NRG3: variants seen among roughly 807,000 people sequenced by gnomAD.
The protein encoded by NRG3 is neuregulin 3.
In NRG3, 31 loss-of-function variants were observed where a neutral mutation model predicts 66.9. The ratio of observed to expected loss-of-function variants is 0.46; its 90% CI spans 0.35 to 0.63. The LOEUF is 0.63. NRG3 is among the 20% of genes least tolerant of loss of function. The pLI is 0.00. For missense variants in NRG3, 910 were observed against 878.9 expected (o/e 1.04, Z -0.45); for synonymous variants, 393 against 359.4 (o/e 1.09, Z -1.06).
At chr10:82,197,842 T>C (rs1358927853) in intron 1 of NRG3, among the ~76,000 whole-genome samples, 2 of 152,208 alleles carry the variant, frequency 1.3e-5, no homozygotes, top group African/African-American at 2.4e-5. Flanking sequence ...GTCTCTATTT[T>C]CTTATTTCCC....
intron 3 of NRG3, among the ~76,000 whole-genome samples, chr10:82,745,635 G>T (rs979006443): frequency 6.6e-6 from 1 of 152,084 alleles, no homozygotes; most frequent in African/African-American, 2.4e-5. Context: ...CATTAATTCT[G>T]TCAGGTTGTA....
chr10:82,944,135 C>G (rs1848801804), intron 4 of NRG3, among the ~76,000 whole-genome samples: 1 of 152,146 alleles, frequency 6.6e-6, no homozygotes, highest in Admixed American at 6.6e-5. Context: ...TCTATAAATT[C>G]ACTTGTAGTC....
intron 1 of NRG3, among the ~76,000 whole-genome samples, chr10:82,245,196 T>A (rs2077181381): frequency 6.6e-6 from 1 of 152,194 alleles, no homozygotes; most frequent in Non-Finnish European, 1.5e-5. Context: ...TGACAGATTA[T>A]GAGGCATTAG....
intron 1 of NRG3, among the ~76,000 whole-genome samples, chr10:82,058,037 G>A (rs541298620): frequency 5.5e-4 from 82 of 149,226 alleles, no homozygotes; most frequent in Middle Eastern, 3.5e-3. Context: ...GACTACAGTC[G>A]TGCATTAAAA....
At chr10:82,214,644 T>A (rs2075573060) in intron 1 of NRG3, among the ~76,000 whole-genome samples, 1 of 151,932 alleles carries the variant, frequency 6.6e-6, no homozygotes, top group African/African-American at 2.4e-5. Flanking sequence ...AAAAAATTTT[T>A]TTTGCACAGA....
intron 1 of NRG3, among the ~76,000 whole-genome samples, chr10:82,011,461 C>T (rs772035544): frequency 1.3e-5 from 2 of 152,126 alleles, no homozygotes; most frequent in African/African-American, 4.8e-5. Flanking sequence ...ATCTCATGTC[C>T]TCACATTTGA....
intron 2 of NRG3, among the ~76,000 whole-genome samples, chr10:82,547,635 G>C (rs953920070): frequency 6.7e-6 from 1 of 148,794 alleles, no homozygotes; most frequent in African/African-American, 2.5e-5. Flanking sequence ...GTGTGTGTGT[G>C]TATATATATA....
intron 2 of NRG3, among the ~76,000 whole-genome samples, chr10:82,442,818 T>G (rs12774910): frequency 1.7e-5 from 2 of 116,674 alleles, no homozygotes; most frequent in East Asian, 2.5e-4. Flanking sequence ...TTTTTTTTAG[T>G]GAAATAAGAT....
chr10:82,449,210 A>T (rs2090897640), intron 2 of NRG3, among the ~76,000 whole-genome samples: 1 of 152,232 alleles, frequency 6.6e-6, no homozygotes, highest in Non-Finnish European at 1.5e-5. Context: ...GTGAGGCAGC[A>T]GTCAGCTTCC....
intron 1 of NRG3, among the ~76,000 whole-genome samples, chr10:82,243,083 T>C (rs2077074756): frequency 6.6e-6 from 1 of 152,214 alleles, no homozygotes; most frequent in Non-Finnish European, 1.5e-5. Context: ...TTGTGCACTG[T>C]GTTGCAGGGA....
chr10:82,850,832 T>C (rs770271509), intron 3 of NRG3, among the ~76,000 whole-genome samples: 3 of 152,174 alleles, frequency 2.0e-5, no homozygotes, highest in Non-Finnish European at 4.4e-5. Context: ...GTTAATTAAA[T>C]AGCTTCTTAA....
chr10:82,200,440 C>G (rs1304929573), intron 1 of NRG3, among the ~76,000 whole-genome samples: 2 of 152,042 alleles, frequency 1.3e-5, no homozygotes, highest in Non-Finnish European at 2.9e-5. Flanking sequence ...TTGTAATTAA[C>G]AAATGAAAGA....
chr10:81,952,046 C>A (rs555368094), intron 1 of NRG3, among the ~76,000 whole-genome samples: 3 of 152,052 alleles, frequency 2.0e-5, no homozygotes, highest in Non-Finnish European at 4.4e-5. Flanking sequence ...ACCGCATGTT[C>A]TCCCTCACAG....
chr10:82,588,733 C>T (rs955758956), intron 2 of NRG3, among the ~76,000 whole-genome samples: 2 of 152,124 alleles, frequency 1.3e-5, no homozygotes, highest in Non-Finnish European at 2.9e-5. Flanking sequence ...GATCTCCCGA[C>T]CTCATGATCT....
intron 2 of NRG3, among the ~76,000 whole-genome samples, chr10:82,450,504 C>T (rs750512968): frequency 1.3e-5 from 2 of 152,100 alleles, no homozygotes; most frequent in African/African-American, 2.4e-5. Context: ...CTTTTGACTG[C>T]TCTTTTTGAT....
In NRG3 at chr10:82,188,840, T is replaced by C. The variant is rs150908893; in HGVS notation, c.824-169899T>C. ...GTTAATGGGTACCAAAGCAAATAGA[T>C]AGAATGAGTAAGAGCTACAATTTGA... is the stretch of plus-strand genomic sequence containing the variant. On this transcript the variant is annotated intron_variant, in intron 1 of 8. Coordinates refer to ENST00000372141, the MANE Select transcript of NRG3 (RefSeq NM_001010848.4). Among the ~76,000 whole-genome samples the C allele has an allele frequency of 2.6e-3, 392 of 151,950 alleles. 3 individuals carry two copies. The East Asian group carries it at 0.036, about 14-fold the overall frequency.
chr10:82,572,181 G>A (rs2045776666), intron 2 of NRG3, among the ~76,000 whole-genome samples: 3 of 151,620 alleles, frequency 2.0e-5, no homozygotes, highest in Admixed American at 2.0e-4. Flanking sequence ...ATTGTATAAT[G>A]TATCCTCTTT....
At chr10:82,060,686 T>C (rs1354080057) in intron 1 of NRG3, among the ~76,000 whole-genome samples, 1 of 152,244 alleles carries the variant, frequency 6.6e-6, no homozygotes, top group Non-Finnish European at 1.5e-5. Context: ...GGTTTCCTGA[T>C]GTCTGTATGG....
At chr10:82,395,890 C>G (rs536401701) in intron 2 of NRG3, among the ~76,000 whole-genome samples, 2 of 152,076 alleles carry the variant, frequency 1.3e-5, no homozygotes, top group Non-Finnish European at 2.9e-5. Context: ...TGAAAATGCT[C>G]TTACCATTAG....
Sources: allele counts gnomAD v4.1 joint callset (sites outside exome capture counted in the v4.1 genomes callset), GRCh38; gene constraint gnomAD v4.1.1; transcripts MANE v1.5; gene names NCBI Gene and HGNC (gene_info 2026-07-23, HGNC 2026-07-21).